The following SDHA variants were observed in gnomAD, a reference collection of about 807,000 sequenced individuals.
SDHA encodes succinate dehydrogenase complex flavoprotein subunit A, also known as succinate dehydrogenase [ubiquinone] flavoprotein subunit, mitochondrial.
In SDHA, 48 loss-of-function variants were observed where a neutral mutation model predicts 78.4. That is an observed-to-expected ratio of 0.61 (90% CI 0.49 to 0.78). The LOEUF (loss-of-function observed/expected upper bound fraction) is 0.78. SDHA is among the 30% of genes least tolerant of loss of function. The pLI is 0.00. For missense variants in SDHA, 680 were observed against 892.7 expected (o/e 0.76, Z 3.04); for synonymous variants, 326 against 353.9 (o/e 0.92, Z 0.88).
intron 11 of SDHA, among the ~76,000 whole-genome samples, chr5:244,446 C>G (rs372289430): frequency 5.7e-3 from 822 of 143,118 alleles, no homozygotes; most frequent in South Asian, 8.0e-3. Context: ...CATAGCACAG[C>G]TCCTGATTGT....
At chr5:225,322 T>C in intron 3 of SDHA, 97 bp from the exon 4 acceptor site, 1 of 1,524,702 alleles carries the variant, frequency 6.6e-7, no homozygotes, top group Admixed American at 1.7e-5. Flanking sequence ...TGTGAGTAGT[T>C]GGCTTTCTCT....
chr5:228,313 G>A lies in SDHA; in HGVS notation c.750G>A (p.Lys250=). 6.2e-7 allele frequency: 1 copy of A among 1,613,938 alleles called. No individual in the cohort carries two copies. The highest frequency in any genetic ancestry group is 8.5e-7 in the Non-Finnish European group (1 of 1,179,862). The change falls in exon 6 of 15, where the codon AAG becomes AAA. Residue 250 remains lysine, a synonymous_variant. Coordinates refer to ENST00000264932, the MANE Select transcript of SDHA (RefSeq NM_004168.4). ...GGTCCATCCATCGCATAAGAGCAAA[G>A]AACACTGTTGTTGCCACAGGGTAGG... The part of the protein sequence containing the change: ...EDGSIHRIRA[K]NTVVATGGYG...
chr5:245,743 C>A (rs1736401669), intron 11 of SDHA, among the ~76,000 whole-genome samples: 1 of 152,170 alleles, frequency 6.6e-6, no homozygotes, highest in Non-Finnish European at 1.5e-5. Flanking sequence ...ACGTAGGGAT[C>A]AATTGAAAAC....
intron 8 of SDHA, 89 bp downstream of exon 8, chr5:233,734 C>A: frequency 7.7e-7 from 1 of 1,296,368 alleles, no homozygotes; most frequent in Non-Finnish European, 1.1e-6. Context: ...CCCTCACCTT[C>A]GTGTGCAGGC....
intron 9 of SDHA, chr5:235,605 T>C (rs1735727038): frequency 2.0e-6 from 1 of 502,184 alleles, no homozygotes; most frequent in African/African-American, 1.9e-5. Flanking sequence ...TCTTGTGTTA[T>C]TTCTAATGAT....
At chr5:251,240 A>C in intron 12 of SDHA, 98 bp from the exon 13 acceptor site, 1 of 1,515,132 alleles carries the variant, frequency 6.6e-7, no homozygotes. Context: ...TAAAGCCACA[A>C]CCAGTGACTC....
In SDHA at chr5:225,912, A is replaced by T. The variant is rs1479127918; in HGVS notation, c.486A>T (p.Arg162Ser). 1 of 1,613,422 alleles carries T rather than the reference A, an allele frequency of 6.2e-7. No individual in the cohort carries two copies. The highest frequency in any genetic ancestry group is 1.1e-5 in the South Asian group (1 of 91,050). ...AAAATTATGGCATGCCGTTTAGCAG[A>T]ACTGAAGATGGGAAGATTTATCAGC... ...ELENYGMPFS[R>S]TEDGKIYQRA... The change falls in exon 5 of 15, where the codon AGA (arginine) becomes AGT (serine). Residue 162 changes from arginine (R) to serine (S), a missense_variant. Coordinates refer to ENST00000264932, the MANE Select transcript of SDHA (RefSeq NM_004168.4).
chr5:225,926 A>G lies in SDHA; in HGVS notation c.500A>G (p.Lys167Arg). ...GMPFSRTEDGKIYQRAFGGQS... is the reference protein window; with the variant it reads ...GMPFSRTEDGRIYQRAFGGQS... Reference sequence around the variant, plus strand: ...CCGTTTAGCAGAACTGAAGATGGGAAGATTTATCAGCGTGCATTTGGTGGA... The same window carrying G: ...CCGTTTAGCAGAACTGAAGATGGGAGGATTTATCAGCGTGCATTTGGTGGA... The change falls in exon 5 of 15, where the codon AAG becomes AGG. Residue 167 changes from lysine to arginine, a missense_variant. Physicochemically the swap from Lys to Arg is conservative, Grantham distance 26 (BLOSUM62 2). Coordinates refer to ENST00000264932, the MANE Select transcript of SDHA (RefSeq NM_004168.4). 1 of 1,613,632 alleles carries G rather than the reference A, an allele frequency of 6.2e-7. No homozygotes were observed. The highest frequency in any genetic ancestry group is 8.5e-7 in the Non-Finnish European group (1 of 1,179,990).
At chr5:259,846 C>T (rs1315058368), downstream of SDHA, among the ~76,000 whole-genome samples, 2 of 30,688 alleles carry the variant, frequency 6.5e-5, no homozygotes, top group Non-Finnish European at 1.1e-4. Context: ...GTGTGAGCTC[C>T]GCCTCCCGTC....
At chr5:255,269 A>G (rs550104489) in intron 14 of SDHA, among the ~76,000 whole-genome samples, 9 of 151,862 alleles carry the variant, frequency 5.9e-5, no homozygotes, top group Non-Finnish European at 1.2e-4. Flanking sequence ...TAAGAGTCGT[A>G]TAATCACTTA....
At chr5:251,737 G>T (rs1736848254) in intron 13 of SDHA, 1 of 1,418,814 alleles carries the variant, frequency 7.0e-7, no homozygotes, top group Non-Finnish European at 9.3e-7. Flanking sequence ...GCCAAGGTTA[G>T]AAGTGCAGCT....
At position 225,957 on chromosome 5, in the gene SDHA, C is replaced by T. The variant is rs756351128; in HGVS notation, c.531C>T (p.Ser177=). The change falls in exon 5 of 15, where the codon AGC becomes AGT. Residue 177 remains serine (S), a synonymous_variant. Coordinates refer to ENST00000264932, the MANE Select transcript of SDHA (RefSeq NM_004168.4). ...KIYQRAFGGQ[S]LKFGKGGQAH... ...ATCAGCGTGCATTTGGTGGACAGAG[C>T]CTCAAGTTTGGAAAGGGCGGGCAGG... The T allele has an allele frequency of 1.2e-6, 2 of 1,614,064 alleles. No individual in the cohort carries two copies. The highest frequency in any genetic ancestry group is 2.2e-5 in the South Asian group (2 of 91,068).
chr5:240,303 T>C, intron 10 of SDHA, 55 bp from the exon 11 acceptor site: 1 of 1,107,850 alleles, frequency 9.0e-7, no homozygotes, highest in African/African-American at 1.5e-5. Context: ...TCTAAATCCA[T>C]TTGGTTTTTT....
Position 226,048 on chromosome 5 carries a change from G to T in SDHA, c.621+1G>T. 1 of 1,614,184 alleles carries T rather than the reference G, an allele frequency of 6.2e-7. No homozygotes were observed. The highest frequency in any genetic ancestry group is 1.3e-5 in the African/African-American group (1 of 75,056). ...GCTATTGCACACCTTATATGGAAGG[G>T]TAAGGCCGCCCCCGTCCACCTGAGA... is the stretch of plus-strand genomic sequence containing the variant. On this transcript the variant is annotated splice_donor_variant, in intron 5 of 14. Coordinates refer to ENST00000264932, the MANE Select transcript of SDHA (RefSeq NM_004168.4). LOFTEE classifies it high-confidence loss of function.
Position 235,212 on chromosome 5 carries a change from C to T in SDHA, c.1133C>T (p.Thr378Met), listed in dbSNP as rs777420907. 1.3e-5 allele frequency: 21 copies of T among 1,613,852 alleles called. No individual in the cohort carries two copies. The highest frequency in any genetic ancestry group is 6.6e-5 in the South Asian group (6 of 91,084). ...LHHLPPEQLA[T>M]RLPGISETAM... is the part of the protein sequence containing the mutation. ...CACCTACCTCCAGAGCAGCTGGCCA[C>T]GCGCCTGCCTGGCATTTCAGAGACA... Residue 378 changes from threonine to methionine, a missense_variant, in exon 9 of 15, where the codon ACG becomes ATG. Transcript: ENST00000264932.
intron 11 of SDHA, among the ~76,000 whole-genome samples, chr5:243,081 G>C (rs145764136): frequency 1.3e-5 from 2 of 152,106 alleles, no homozygotes; most frequent in Non-Finnish European, 2.9e-5. Context: ...CACCTTGAGC[G>C]ACCCCTCTCA....
intron 7 of SDHA, 134 bp from the exon 8 acceptor site, chr5:233,343 C>A: frequency 1.2e-6 from 1 of 867,184 alleles, no homozygotes; most frequent in Non-Finnish European, 1.9e-6. Flanking sequence ...AACTGTCTTG[C>A]TGTGCAGTTT....
intron 1 of SDHA, chr5:220,271 G>T (rs563051768): frequency 2.2e-6 from 1 of 453,144 alleles, no homozygotes; most frequent in African/African-American, 2.0e-5. Flanking sequence ...CTGTTCGAAA[G>T]CAGTTTAATC....
chr5:227,707 C>A (rs1220770655), intron 5 of SDHA: 1 of 231,662 alleles, frequency 4.3e-6, no homozygotes, highest in Non-Finnish European at 8.6e-6. Flanking sequence ...CGTCTGCAAC[C>A]GTCCGCTTTG....
Sources: allele counts gnomAD v4.1 joint callset (sites outside exome capture counted in the v4.1 genomes callset), GRCh38; gene constraint gnomAD v4.1.1; transcripts MANE v1.5; gene names NCBI Gene and HGNC (gene_info 2026-07-23, HGNC 2026-07-21).